Variants in ANKRD10 observed in about 807,000 individuals in gnomAD.
ANKRD10 encodes ankyrin repeat domain 10, also known as ankyrin repeat domain-containing protein 10.
Under a neutral mutation model 27.0 loss-of-function variants are expected in ANKRD10, and 14 were observed. The ratio of observed to expected loss-of-function variants is 0.52; its 90% CI spans 0.34 to 0.81. The LOEUF (loss-of-function observed/expected upper bound fraction) is 0.81, where lower values mean the gene tolerates loss of function less well. ANKRD10 is among the 40% of genes least tolerant of loss of function. ANKRD10 has a pLI of 0.01. For missense variants in ANKRD10, 493 were observed against 544.0 expected (o/e 0.91, Z 0.93); for synonymous variants, 250 against 224.5 (o/e 1.11, Z -1.01).
At chr13:110,910,251 A>T (rs2065656994) in intron 2 of ANKRD10, among the ~76,000 whole-genome samples, 1 of 152,234 alleles carries the variant, frequency 6.6e-6, no homozygotes, top group Admixed American at 6.5e-5. Flanking sequence ...CTTAATAGCC[A>T]TGCTTTTCCC....
intron 1 of ANKRD10, 44 bp downstream of exon 1, chr13:110,914,681 C>T (rs772994827): frequency 6.5e-7 from 1 of 1,528,642 alleles, no homozygotes; most frequent in Non-Finnish European, 8.8e-7. Context: ...CCGACTCCCA[C>T]TGGACAGCCG....
chr13:110,885,479 C>T (rs1422076888), intron 4 of ANKRD10, among the ~76,000 whole-genome samples: 2 of 151,726 alleles, frequency 1.3e-5, no homozygotes, highest in African/African-American at 2.4e-5. Context: ...ACCCAGGAGG[C>T]GGAGGTTGCA....
In ANKRD10 at chr13:110,914,833, G is replaced by A. The variant is rs745724193; in HGVS notation, c.102C>T (p.Asp34=). 4.4e-6 allele frequency: 7 copies of A among 1,582,118 alleles called. No homozygotes were observed. The highest frequency in any genetic ancestry group is 3.6e-5 in the Admixed American group (2 of 56,020). Residue 34 remains aspartate, a synonymous_variant, in exon 1 of 6, where the codon GAC becomes GAT. Coordinates refer to ENST00000267339, the MANE Select transcript of ANKRD10 (RefSeq NM_017664.4). ...GCAGCAGCGAGCAGAGCGTGGCCAG[G>A]TCCCCGTCGCGGCAGGCGCGGTGCA... ...FPLHRACRDG[D]LATLCSLLQQ... is the part of the protein sequence containing the mutation.
At chr13:110,906,209 G>C in intron 2 of ANKRD10, 85 bp from the exon 3 acceptor site, 1 of 1,019,506 alleles carries the variant, frequency 9.8e-7, no homozygotes, top group South Asian at 1.5e-5. Context: ...ACAGATCAGA[G>C]ACCTTCTCAT....
chr13:110,908,958 C>A (rs184454654), intron 2 of ANKRD10, among the ~76,000 whole-genome samples: 134 of 152,292 alleles, frequency 8.8e-4, no homozygotes, highest in African/African-American at 3.2e-3. Context: ...ATTTTAGGAT[C>A]CTGCCTGGGA....
At chr13:110,892,815 G>T in intron 4 of ANKRD10, 1 of 1,343,894 alleles carries the variant, frequency 7.4e-7, no homozygotes, top group Non-Finnish European at 9.5e-7. Flanking sequence ...ATTTACACTT[G>T]GGCCATCAGT....
At chr13:110,887,819 G>C (rs1361022658) in intron 4 of ANKRD10, among the ~76,000 whole-genome samples, 1 of 152,176 alleles carries the variant, frequency 6.6e-6, no homozygotes, top group Non-Finnish European at 1.5e-5. Flanking sequence ...GTGGCCAAAT[G>C]GCCCAGGACC....
intron 3 of ANKRD10, among the ~76,000 whole-genome samples, chr13:110,893,715 G>A (rs1052081192): frequency 4.6e-5 from 7 of 152,032 alleles, no homozygotes; most frequent in African/African-American, 1.4e-4. Context: ...GCTCACCAAC[G>A]AGCCAGCCTT....
chr13:110,914,021 T>C (rs764825270), intron 1 of ANKRD10, among the ~76,000 whole-genome samples: 1 of 152,232 alleles, frequency 6.6e-6, no homozygotes, highest in Non-Finnish European at 1.5e-5. Flanking sequence ...TAACCACTTC[T>C]GCAGTAATTT....
At chr13:110,906,156 C>G (rs1006742481) in intron 2 of ANKRD10, 32 bp from the exon 3 acceptor site, 1 of 1,522,032 alleles carries the variant, frequency 6.6e-7, no homozygotes, top group Middle Eastern at 1.7e-4. Context: ...TATACACATA[C>G]TTAGAACAAA....
intron 5 of ANKRD10, among the ~76,000 whole-genome samples, chr13:110,880,450 G>T (rs562952460): frequency 1.3e-5 from 2 of 152,250 alleles, no homozygotes; most frequent in South Asian, 4.1e-4. Context: ...GACTACTTTC[G>T]AGAGCGGTTT....
At chr13:110,888,525 T>C (rs866512330) in intron 4 of ANKRD10, among the ~76,000 whole-genome samples, 1 of 152,136 alleles carries the variant, frequency 6.6e-6, no homozygotes, top group Non-Finnish European at 1.5e-5. Context: ...AGTGCTATAA[T>C]ATGTAACTAA....
chr13:110,888,102 G>A (rs2064981083), intron 4 of ANKRD10, among the ~76,000 whole-genome samples: 1 of 152,056 alleles, frequency 6.6e-6, no homozygotes, highest in African/African-American at 2.4e-5. Context: ...AGAGGGTTGG[G>A]ATGACTCCAG....
Position 110,879,705 on chromosome 13 carries a change from A to G in ANKRD10, c.1195T>C (p.Ser399Pro), listed in dbSNP as rs749772234. ...TCGTACCGCTCCTGCACCTTCACGG[A>G]CTTGGAATGCTCGACCACACTGTTC... ...ELNSVVEHSK[S>P]VKVQERYDSA... Residue 399 changes from serine to proline, a missense_variant, in exon 6 of 6, where the codon TCC becomes CCC. Coordinates refer to ENST00000267339, the MANE Select transcript of ANKRD10 (RefSeq NM_017664.4). 12 of 1,614,178 alleles carry G rather than the reference A, an allele frequency of 7.4e-6. No individual in the cohort carries two copies. Among genetic ancestry groups the G allele is most frequent in the Non-Finnish European group, 9.3e-6 (11 of 1,180,030 alleles).
chr13:110,892,574 A>G (rs923441234), intron 4 of ANKRD10: 1 of 291,080 alleles, frequency 3.4e-6, no homozygotes, highest in African/African-American at 2.3e-5. Context: ...ATCATAGTAC[A>G]GAAATAGTAC....
intron 3 of ANKRD10, among the ~76,000 whole-genome samples, chr13:110,904,623 G>T (rs1403170792): frequency 6.6e-6 from 1 of 152,164 alleles, no homozygotes; most frequent in Non-Finnish European, 1.5e-5. Flanking sequence ...AAAAATTAGA[G>T]TTTTAAATCT....
At chr13:110,914,349 G>A (rs905732303) in intron 1 of ANKRD10, among the ~76,000 whole-genome samples, 2 of 152,092 alleles carry the variant, frequency 1.3e-5, no homozygotes, top group Admixed American at 6.5e-5. Context: ...TCGCGCCTCC[G>A]GCCCGGCCTG....
intron 2 of ANKRD10, among the ~76,000 whole-genome samples, chr13:110,908,046 G>A (rs543626935): frequency 6.6e-6 from 1 of 152,216 alleles, no homozygotes. Context: ...CATCCTGAGA[G>A]AAGGTAGCCA....
intron 3 of ANKRD10, among the ~76,000 whole-genome samples, chr13:110,901,972 G>A (rs747385892): frequency 6.9e-6 from 1 of 145,598 alleles, no homozygotes; most frequent in African/African-American, 2.5e-5. Context: ...GAGCCCAGGA[G>A]TTTGAAGTTG....
Sources: gnomAD v4.1 joint callset for allele counts (sites outside exome capture counted in the v4.1 genomes callset) on GRCh38, gnomAD v4.1.1 for gene constraint, MANE v1.5 for transcripts, NCBI Gene and HGNC (gene_info 2026-07-23, HGNC 2026-07-21) for gene names.